Variants in SUGCT observed in about 807,000 individuals in gnomAD.
The protein encoded by SUGCT is succinyl-CoA:glutarate CoA-transferase.
Under a neutral mutation model 55.0 loss-of-function variants are expected in SUGCT, and 41 were observed. The observed-to-expected ratio is 0.74, with a 90% CI of 0.58 to 0.97. The LOEUF (loss-of-function observed/expected upper bound fraction) is 0.97. Among genes scored for constraint, SUGCT ranks in the 50% least tolerant of loss-of-function variants. SUGCT has a pLI of 0.00. For synonymous variants in SUGCT, 187 were observed against 200.4 expected (o/e 0.93, Z 0.56); for missense variants, 568 against 547.8 (o/e 1.04, Z -0.37).
chr7:40,226,506 C>T (rs548033341), intron 6 of SUGCT, among the ~76,000 whole-genome samples: 4 of 152,128 alleles, frequency 2.6e-5, no homozygotes, highest in Admixed American at 2.0e-4. Context: ...CGCTAGAGAA[C>T]TGGCTCTTGG....
At chr7:40,770,381 G>A (rs185423803) in intron 13 of SUGCT, among the ~76,000 whole-genome samples, 19 of 152,174 alleles carry the variant, frequency 1.2e-4, no homozygotes, top group African/African-American at 4.1e-4. Context: ...AGGAAATCAG[G>A]CTCCTTTTAG....
At chr7:40,361,694 T>G (rs1798162522) in intron 9 of SUGCT, among the ~76,000 whole-genome samples, 1 of 152,154 alleles carries the variant, frequency 6.6e-6, no homozygotes, top group South Asian at 2.1e-4. Flanking sequence ...TGGCTTACTG[T>G]AGTGTTTTGG....
At chr7:40,857,543 A>C (rs1794247122) in intron 13 of SUGCT, among the ~76,000 whole-genome samples, 1 of 152,140 alleles carries the variant, frequency 6.6e-6, no homozygotes, top group Admixed American at 6.5e-5. Context: ...TCTTCAGTGT[A>C]GATCTGGAAG....
intron 12 of SUGCT, among the ~76,000 whole-genome samples, chr7:40,612,678 T>C (rs980833567): frequency 1.1e-4 from 16 of 152,234 alleles, no homozygotes; most frequent in African/African-American, 3.9e-4. Context: ...TAATTACAGC[T>C]TGTATCTCAC....
chr7:40,193,211 T>TC (rs936742108), intron 5 of SUGCT, among the ~76,000 whole-genome samples: 11 of 149,414 alleles, frequency 7.4e-5, no homozygotes, highest in African/African-American at 2.7e-4. Flanking sequence ...AAGTGATCTA[T>TC]CCCCCCGACT....
intron 6 of SUGCT, among the ~76,000 whole-genome samples, chr7:40,211,400 A>G (rs1469495340): frequency 6.6e-6 from 1 of 152,096 alleles, no homozygotes; most frequent in Non-Finnish European, 1.5e-5. Flanking sequence ...TTTTTAGTAG[A>G]GACAGAGTTT....
intron 13 of SUGCT, among the ~76,000 whole-genome samples, chr7:40,814,687 C>A (rs1397741100): frequency 6.6e-6 from 1 of 151,918 alleles, no homozygotes; most frequent in Non-Finnish European, 1.5e-5. Flanking sequence ...TCTGTCATTT[C>A]TGAGTTTCCA....
At chr7:40,924,690 A>G in the SUGCT span, among the ~76,000 whole-genome samples, 1 of 151,976 alleles carries the variant, frequency 6.6e-6, no homozygotes. Flanking sequence ...ACTCTTAAAC[A>G]TGGAGGACTA....
Position 40,140,993 on chromosome 7 carries a change from A to AT in SUGCT, c.100+5880dup, listed in dbSNP as rs548891224. ...GCCTACGTGCATGGGGTGTTTTTCC[A>AT]TTTTTTTGTTTCATCTATAGTTTCT... On this transcript the variant is annotated intron_variant, in intron 1 of 13. Coordinates refer to ENST00000335693, the MANE Select transcript of SUGCT (RefSeq NM_001193313.2). 4.3e-3 allele frequency among the ~76,000 whole-genome samples: 653 copies of AT among 151,956 alleles called. 4 individuals carry two copies. The highest frequency in any genetic ancestry group is 6.8e-3 in the Non-Finnish European group (461 of 67,952).
chr7:40,514,303 A>G (rs1213592595), intron 12 of SUGCT, among the ~76,000 whole-genome samples: 1 of 152,128 alleles, frequency 6.6e-6, no homozygotes, highest in African/African-American at 2.4e-5. Flanking sequence ...TTTATTATCA[A>G]ATATTTCATG....
intron 12 of SUGCT, among the ~76,000 whole-genome samples, chr7:40,630,758 A>G (rs1350719215): frequency 1.3e-5 from 2 of 152,210 alleles, no homozygotes; most frequent in Non-Finnish European, 2.9e-5. Flanking sequence ...GTAAATTTAT[A>G]GCAAATACTT....
the SUGCT span, among the ~76,000 whole-genome samples, chr7:40,907,850 G>A: frequency 1.3e-5 from 2 of 152,114 alleles, no homozygotes; most frequent in Non-Finnish European, 1.5e-5. Context: ...CCAAAATTGA[G>A]ATATTGTAAC....
the SUGCT span, among the ~76,000 whole-genome samples, chr7:40,898,993 G>C: frequency 9.2e-5 from 14 of 152,038 alleles, no homozygotes; most frequent in Non-Finnish European, 8.8e-5. Context: ...GGGGAGGGGG[G>C]TCTACAGCCA....
At chr7:40,888,432 A>C in the SUGCT span, among the ~76,000 whole-genome samples, 2 of 151,754 alleles carry the variant, frequency 1.3e-5, no homozygotes, top group South Asian at 4.2e-4. Context: ...GTGTGGCGAC[A>C]GAGTGAGACT....
the SUGCT span, among the ~76,000 whole-genome samples, chr7:40,911,117 A>T: frequency 1.3e-5 from 2 of 152,142 alleles, no homozygotes; most frequent in Non-Finnish European, 2.9e-5. Flanking sequence ...TTCTTTCTGA[A>T]TGCTTATCCC....
intron 12 of SUGCT, among the ~76,000 whole-genome samples, chr7:40,687,768 C>T (rs1784530315): frequency 1.3e-5 from 2 of 152,140 alleles, no homozygotes; most frequent in South Asian, 4.1e-4. Flanking sequence ...TAATTTGTGC[C>T]ACCTACACCC....
chr7:41,007,766 T>C, the SUGCT span, among the ~76,000 whole-genome samples: 1 of 148,866 alleles, frequency 6.7e-6, no homozygotes, highest in African/African-American at 2.5e-5. Context: ...GCATGGAATT[T>C]GCTTTAAGTA....
At chr7:40,606,142 T>G (rs1198326603) in intron 12 of SUGCT, among the ~76,000 whole-genome samples, 1 of 152,178 alleles carries the variant, frequency 6.6e-6, no homozygotes, top group Non-Finnish European at 1.5e-5. Flanking sequence ...GCTGTCTACC[T>G]TCTGTTGGAG....
intron 12 of SUGCT, among the ~76,000 whole-genome samples, chr7:40,561,558 A>G (rs1795834750): frequency 6.6e-6 from 1 of 152,126 alleles, no homozygotes; most frequent in Non-Finnish European, 1.5e-5. Flanking sequence ...GAATAAGACA[A>G]ACACAGTGGA....
Sources: gnomAD v4.1 joint callset for allele counts (sites outside exome capture counted in the v4.1 genomes callset) on GRCh38, gnomAD v4.1.1 for gene constraint, MANE v1.5 for transcripts, NCBI Gene and HGNC (gene_info 2026-07-23, HGNC 2026-07-21) for gene names.